The following UBTD2 variants were observed in gnomAD, a reference collection of about 807,000 sequenced individuals.
The protein encoded by UBTD2 is ubiquitin domain-containing protein 2.
In UBTD2, 9 loss-of-function variants were observed where a neutral mutation model predicts 19.8. The ratio of observed to expected loss-of-function variants is 0.46; its 90% CI spans 0.27 to 0.79. The LOEUF (loss-of-function observed/expected upper bound fraction) is 0.79. Ranked by LOEUF, UBTD2 falls within the 30% of genes least tolerant of loss-of-function variation. UBTD2 has a pLI of 0.14. For missense variants in UBTD2, 250 were observed against 300.4 expected (o/e 0.83, Z 1.24); for synonymous variants, 98 against 103.9 (o/e 0.94, Z 0.35).
chr5:172,259,779 C>A (rs572205660), intron 1 of UBTD2, among the ~76,000 whole-genome samples: 5 of 152,054 alleles, frequency 3.3e-5, no homozygotes, highest in African/African-American at 1.2e-4. Context: ...ATGGGCCAGG[C>A]AGGATGGCTC....
chr5:172,243,554 C>CTTTT (rs58327908), intron 1 of UBTD2, among the ~76,000 whole-genome samples: 23,228 of 100,474 alleles, frequency 0.23, 2,649 homozygotes, highest in South Asian at 0.27. Context: ...TGTGAGAAAC[C>CTTTT]TTTTTTTTTT....
intron 1 of UBTD2, among the ~76,000 whole-genome samples, chr5:172,270,807 CCTA>C (rs1311937597): frequency 7.2e-5 from 11 of 152,140 alleles, no homozygotes; most frequent in African/African-American, 1.2e-4. Flanking sequence ...ACTATAATAA[CCTA>C]CTACATTAGA....
At chr5:172,235,315 G>C (rs935272800) in intron 1 of UBTD2, among the ~76,000 whole-genome samples, 2 of 152,120 alleles carry the variant, frequency 1.3e-5, no homozygotes, top group Admixed American at 6.5e-5. Context: ...TCAGTGCCCA[G>C]AGAAAGAAGA....
At chr5:172,224,302 T>C (rs1454217407) in intron 2 of UBTD2, among the ~76,000 whole-genome samples, 9 of 147,088 alleles carry the variant, frequency 6.1e-5, no homozygotes, top group Admixed American at 1.3e-4. Flanking sequence ...TCATTTCTTT[T>C]TTTTTTTTTT....
At chr5:172,274,613 A>C (rs1755571146) in intron 1 of UBTD2, among the ~76,000 whole-genome samples, 1 of 152,182 alleles carries the variant, frequency 6.6e-6, no homozygotes, top group African/African-American at 2.4e-5. Context: ...GAACCACACC[A>C]ACCTCAAAAG....
chr5:172,212,147 T>C lies in UBTD2; in HGVS notation c.388A>G (p.Ile130Val). ...VYCLAPPINM[I>V]EEKSDIETLD... Reference sequence around the variant, plus strand: ...GTCTCTATGTCGCTCTTTTCCTCTATCATGTTGATTGGCGGTGCCAAGCAA... The same window carrying C: ...GTCTCTATGTCGCTCTTTTCCTCTACCATGTTGATTGGCGGTGCCAAGCAA... Residue 130 changes from isoleucine (I) to valine (V), a missense_variant, in exon 3 of 3, where the codon ATA (isoleucine) becomes GTA (valine). Physicochemically the swap from Ile to Val is conservative, Grantham distance 29. Coordinates refer to ENST00000393792, the MANE Select transcript of UBTD2 (RefSeq NM_152277.3). 1 of 1,614,214 alleles carries C rather than the reference T, an allele frequency of 6.2e-7. No homozygotes were observed. Among genetic ancestry groups the C allele is most frequent in the Non-Finnish European group, 8.5e-7 (1 of 1,180,022 alleles).
intron 1 of UBTD2, among the ~76,000 whole-genome samples, chr5:172,246,441 CTTTTTTTTTTTT>C (rs36037402): frequency 3.5e-5 from 3 of 85,072 alleles, no homozygotes; most frequent in South Asian, 5.1e-4. Flanking sequence ...ATTGAGATTG[CTTTTTTTTTTTT>C]TTTTTTTTTT....
rs1458387018 is a variant in UBTD2, at chr5:172,211,421, G to T, written c.*409C>A. 6.4e-6 allele frequency: 1 copy of T among 155,148 alleles called. No individual in the cohort carries two copies. Among genetic ancestry groups the T allele is most frequent in the African/African-American group, 2.4e-5 (1 of 41,432 alleles). 9.6% of individuals were successfully genotyped at this position (155,148 alleles called of 1,614,324 possible). ...TTAAGTTTTATATCCATTATTTATG[G>T]TTTCTGGAAATTATATAATTTGATA... On this transcript the variant is annotated 3_prime_UTR_variant, in exon 3 of 3. Coordinates refer to ENST00000393792, the MANE Select transcript of UBTD2 (RefSeq NM_152277.3).
chr5:172,263,483 T>C (rs1755312882), intron 1 of UBTD2, among the ~76,000 whole-genome samples: 1 of 152,244 alleles, frequency 6.6e-6, no homozygotes, highest in Non-Finnish European at 1.5e-5. Flanking sequence ...TTGTATGTTA[T>C]ATAAAGTTAT....
intron 1 of UBTD2, chr5:172,254,859 C>G (rs989655811): frequency 9.6e-6 from 5 of 523,218 alleles, no homozygotes; most frequent in African/African-American, 5.9e-5. Flanking sequence ...GATTCAATTA[C>G]AGGTACTTGC....
At chr5:172,239,196 T>C (rs369619004) in intron 1 of UBTD2, among the ~76,000 whole-genome samples, 2 of 152,176 alleles carry the variant, frequency 1.3e-5, no homozygotes, top group South Asian at 2.1e-4. Context: ...AGACCTTAGA[T>C]TGTATAATCC....
chr5:172,281,223 A>G (rs1160279955), intron 1 of UBTD2, among the ~76,000 whole-genome samples: 1 of 152,236 alleles, frequency 6.6e-6, no homozygotes, highest in East Asian at 1.9e-4. Flanking sequence ...TAAATCTGTC[A>G]TGGAAAGTTT....
At position 172,211,980 on chromosome 5, in the gene UBTD2, C is replaced by T. The variant is rs749157086; in HGVS notation, c.555G>A (p.Glu185=). 4.3e-6 allele frequency: 7 copies of T among 1,614,230 alleles called. No individual in the cohort carries two copies. Among genetic ancestry groups the T allele is most frequent in the Non-Finnish European group, 5.9e-6 (7 of 1,180,042 alleles). ...FHMKRRLHAA[E]GVEPGSQRWF... ...ACCGCTGACTACCTGGTTCCACTCCCTCTGCTGCATGCAACCGTCTCTTCA... is the reference window on the plus strand; with the variant it reads ...ACCGCTGACTACCTGGTTCCACTCCTTCTGCTGCATGCAACCGTCTCTTCA... Residue 185 remains glutamate (E), a synonymous_variant, in exon 3 of 3, where the codon GAG becomes GAA. Transcript: ENST00000393792.
chr5:172,226,928 G>T (rs1029215032), intron 2 of UBTD2, among the ~76,000 whole-genome samples: 1 of 152,094 alleles, frequency 6.6e-6, no homozygotes, highest in Non-Finnish European at 1.5e-5. Flanking sequence ...ACCTGTATAC[G>T]TATTGTTGAT....
At position 172,283,753 on chromosome 5, in the gene UBTD2, C is replaced by G. The variant is rs1755775629; in HGVS notation, c.-88G>C. On this transcript the variant is annotated 5_prime_UTR_variant, in exon 1 of 3. Coordinates refer to ENST00000393792, the MANE Select transcript of UBTD2 (RefSeq NM_152277.3). The surrounding 1 kb of genome is among the most constrained non-coding windows in gnomAD (Gnocchi z 4.3). ...CTGCAGCCTCCTCCGGCGCCACCGC[C>G]GAGCTCCGGACAGGCGCGCCGCTCC... The G allele has an allele frequency of 1.0e-6, 1 of 985,874 alleles. No individual in the cohort carries two copies. Among genetic ancestry groups the G allele is most frequent in the Non-Finnish European group, 1.3e-6 (1 of 791,712 alleles). The allele number at this position is 985,874 out of a possible 1,614,324, so 61.1% of individuals were successfully genotyped here. A position where few individuals can be genotyped will look rare whatever the true frequency, so the allele number is the denominator to read the frequency against.
chr5:172,220,406 C>T (rs71607599), intron 2 of UBTD2, among the ~76,000 whole-genome samples: 6,230 of 152,242 alleles, frequency 0.041, 164 homozygotes, highest in South Asian at 0.09. Context: ...GAGGCTGAGA[C>T]GGGTGGATCC....
At chr5:172,222,337 C>G (rs939496787) in intron 2 of UBTD2, among the ~76,000 whole-genome samples, 11 of 152,126 alleles carry the variant, frequency 7.2e-5, no homozygotes, top group African/African-American at 2.4e-4. Context: ...TAGGACCTAA[C>G]AAGGATCAAT....
chr5:172,266,914 C>T (rs376175968), intron 1 of UBTD2, among the ~76,000 whole-genome samples: 286 of 152,058 alleles, frequency 1.9e-3, no homozygotes, highest in South Asian at 6.5e-3. Flanking sequence ...GTGGTGTGCG[C>T]CTATAATCCT....
chr5:172,256,529 GCT>G (rs1561862191), intron 1 of UBTD2, among the ~76,000 whole-genome samples: 2 of 121,266 alleles, frequency 1.6e-5, no homozygotes, highest in African/African-American at 3.6e-5. Flanking sequence ...ACCATGCCCA[GCT>G]TTTTTTTTTT....
Sources: allele counts gnomAD v4.1 joint callset (sites outside exome capture counted in the v4.1 genomes callset), GRCh38; gene constraint gnomAD v4.1.1; non-coding constraint Gnocchi (gnomAD v3.1); transcripts MANE v1.5; gene names NCBI Gene and HGNC (gene_info 2026-07-23, HGNC 2026-07-21).